MOXD1: variants seen among roughly 807,000 people sequenced by gnomAD.
The protein encoded by MOXD1 is DBH-like monooxygenase protein 1.
A neutral mutation model predicts 66.6 loss-of-function variants in MOXD1; 62 were observed. The observed-to-expected ratio is 0.93, with a 90% confidence interval of 0.76 to 1.15. The LOEUF is 1.15. Ranked by LOEUF, MOXD1 falls within the 50% of genes most tolerant of loss-of-function variation. The pLI is 0.00. For missense variants in MOXD1, 847 were observed against 754.6 expected (o/e 1.12, Z -1.44); for synonymous variants, 303 against 281.9 (o/e 1.07, Z -0.75).
At chr6:132,305,826 CA>C (rs1371839513) in intron 10 of MOXD1, among the ~76,000 whole-genome samples, 3 of 152,028 alleles carry the variant, frequency 2.0e-5, no homozygotes, top group Non-Finnish European at 4.4e-5. Flanking sequence ...TCAATGACAA[CA>C]AAAAAAGCAC....
chr6:132,325,033 A>C (rs966078923), intron 6 of MOXD1: 3 of 151,898 alleles, frequency 2.0e-5, no homozygotes, highest in Non-Finnish European at 4.4e-5. Context: ...AGATGTAATA[A>C]GTTGTTAAAA....
At chr6:132,365,169 T>C (rs946946571) in intron 4 of MOXD1, among the ~76,000 whole-genome samples, 10 of 152,152 alleles carry the variant, frequency 6.6e-5, no homozygotes, top group Non-Finnish European at 1.5e-4. Context: ...AGCCTCTTTT[T>C]AAAAAATCAA....
At chr6:132,308,100 AAAT>A (rs982742750) in intron 10 of MOXD1, among the ~76,000 whole-genome samples, 1 of 151,910 alleles carries the variant, frequency 6.6e-6, no homozygotes, top group Non-Finnish European at 1.5e-5. Flanking sequence ...GAAAAAAAAA[AAAT>A]AACAAAATAG....
At chr6:132,298,763 A>C (rs1205536977) in intron 10 of MOXD1, among the ~76,000 whole-genome samples, 3 of 152,088 alleles carry the variant, frequency 2.0e-5, no homozygotes, top group Admixed American at 6.6e-5. Context: ...ATGCAAAAAA[A>C]AACAACAACT....
chr6:132,376,888 A>T (rs1169569344), intron 1 of MOXD1, among the ~76,000 whole-genome samples: 1 of 152,200 alleles, frequency 6.6e-6, no homozygotes, highest in Admixed American at 6.5e-5. Flanking sequence ...TTCAAATCAC[A>T]TCTATCAGAT....
chr6:132,353,566 T>G (rs1279519809), intron 4 of MOXD1, among the ~76,000 whole-genome samples: 1 of 152,314 alleles, frequency 6.6e-6, no homozygotes, highest in South Asian at 2.1e-4. Flanking sequence ...ATAAGTTAAC[T>G]GGTGCTTTTG....
chr6:132,325,918 T>C (rs1271801896), intron 6 of MOXD1, among the ~76,000 whole-genome samples: 2 of 152,250 alleles, frequency 1.3e-5, no homozygotes, highest in Non-Finnish European at 2.9e-5. Context: ...TTTTGTGTTA[T>C]TATCAGTGCA....
At chr6:132,392,992 G>A (rs755502872) in intron 1 of MOXD1, among the ~76,000 whole-genome samples, 61 of 152,172 alleles carry the variant, frequency 4.0e-4, no homozygotes, top group Non-Finnish European at 7.9e-4. Context: ...GCCCTCTGGA[G>A]GTAGTCTCAT....
At chr6:132,389,737 T>C (rs1449298226) in intron 1 of MOXD1, among the ~76,000 whole-genome samples, 1 of 151,446 alleles carries the variant, frequency 6.6e-6, no homozygotes, top group Non-Finnish European at 1.5e-5. Flanking sequence ...TGCCATAGCA[T>C]GAACTCATCT....
At chr6:132,314,828 C>A (rs529667948) in intron 10 of MOXD1, among the ~76,000 whole-genome samples, 54 of 152,248 alleles carry the variant, frequency 3.5e-4, no homozygotes, top group Non-Finnish European at 6.9e-4. Context: ...CTCTCCCTCA[C>A]TCCAGAATAC....
chr6:132,377,019 G>C (rs1260303202), intron 1 of MOXD1, among the ~76,000 whole-genome samples: 1 of 152,198 alleles, frequency 6.6e-6, no homozygotes, highest in Non-Finnish European at 1.5e-5. Flanking sequence ...TCTGGCCCCA[G>C]AGTCTGGATC....
intron 4 of MOXD1, among the ~76,000 whole-genome samples, chr6:132,352,790 C>G (rs1775828447): frequency 1.3e-5 from 2 of 152,088 alleles, no homozygotes; most frequent in South Asian, 2.1e-4. Flanking sequence ...CTATTAGTAA[C>G]TGTTTTACAA....
rs898019121 is a variant in MOXD1 at position 132,296,111 on chromosome 6, G to C, written c.*1042C>G. On this transcript the variant is annotated 3_prime_UTR_variant, in exon 12 of 12. Coordinates refer to ENST00000367963, the MANE Select transcript of MOXD1 (RefSeq NM_015529.4). The stretch of plus-strand genomic sequence containing the variant: ...AAACAGATTTAGCTTAAGAGATGAG[G>C]ACAGGACATAAAACAAGATTTGGCT... The C allele has an allele frequency of 5.9e-5, 9 of 151,988 alleles. No homozygotes were observed. The highest frequency in any genetic ancestry group is 2.2e-4 in the African/African-American group (9 of 41,370). The allele number at this position is 151,988 out of a possible 1,614,324, so 9.4% of individuals were successfully genotyped here.
chr6:132,352,148 C>T (rs1031107148), intron 4 of MOXD1, among the ~76,000 whole-genome samples: 6 of 151,670 alleles, frequency 4.0e-5, no homozygotes, highest in South Asian at 2.1e-4. Context: ...AGGTCTGATC[C>T]GGGTTATTTC....
rs1562289848 is a variant in MOXD1 at position 132,349,394 on chromosome 6, CACATATATATACATAT to C, written c.664-20816_664-20801del. On this transcript the variant is annotated intron_variant, in intron 4 of 11. Coordinates refer to ENST00000367963, the MANE Select transcript of MOXD1 (RefSeq NM_015529.4). ...ATATATATACATGTATATATATATA[CACATATATATACATAT>C]ATATATATATACATATATATATATA... Among the ~76,000 whole-genome samples the C allele has an allele frequency of 8.5e-5, 4 of 46,926 alleles. 1 individual carries two copies. Among genetic ancestry groups the C allele is most frequent in the African/African-American group, 1.5e-4 (2 of 12,960 alleles). 30.8% of individuals were successfully genotyped at this position (46,926 alleles called of 152,430 possible). A position where few individuals can be genotyped will look rare whatever the true frequency, so the allele number is the denominator to read the frequency against.
intron 10 of MOXD1, among the ~76,000 whole-genome samples, chr6:132,305,457 G>A (rs553615137): frequency 6.6e-6 from 1 of 152,378 alleles, no homozygotes; most frequent in South Asian, 2.1e-4. Context: ...GAGGAATCCA[G>A]GCAGCCCAGA....
At chr6:132,310,982 GAATA>G (rs1010177634) in intron 10 of MOXD1, among the ~76,000 whole-genome samples, 15 of 151,922 alleles carry the variant, frequency 9.9e-5, no homozygotes, top group Admixed American at 3.9e-4. Context: ...TGTTTGTTTA[GAATA>G]AATAAATAAA....
intron 1 of MOXD1, 69 bp from the exon 2 acceptor site, chr6:132,374,846 T>G: frequency 7.0e-7 from 1 of 1,422,904 alleles, no homozygotes; most frequent in Non-Finnish European, 9.8e-7. Context: ...ATAGGACCTT[T>G]AAAGACAAAG....
Position 132,316,344 on chromosome 6 carries a change from A to G in MOXD1, c.1366-567T>C, listed in dbSNP as rs145794349. 2.3e-3 allele frequency among the ~76,000 whole-genome samples: 357 copies of G among 152,290 alleles called. 10 individuals are homozygous for G. The East Asian group carries it at 0.056, about 24-fold the overall frequency. On this transcript the variant is annotated intron_variant, in intron 9 of 11. Transcript: ENST00000367963. ...GTGGGAAAAGAAACAGGAAATTATT[A>G]TCTACCTTCAATGGAGAAAAGTCAG...
Sources: allele counts gnomAD v4.1 joint callset (sites outside exome capture counted in the v4.1 genomes callset), GRCh38; gene constraint gnomAD v4.1.1; transcripts MANE v1.5; gene names NCBI Gene and HGNC (gene_info 2026-07-23, HGNC 2026-07-21).